Variants in CACNA1A observed in about 807,000 individuals in gnomAD.
The protein encoded by CACNA1A is voltage-dependent P/Q-type calcium channel subunit alpha-1A.
Under a neutral mutation model 262.4 loss-of-function variants are expected in CACNA1A, and 57 were observed. The observed-to-expected ratio is 0.22, with a 90% CI of 0.18 to 0.27. The LOEUF (loss-of-function observed/expected upper bound fraction) is 0.27, where lower values mean the gene tolerates loss of function less well. Ranked by LOEUF, CACNA1A falls within the 10% of genes least tolerant of loss-of-function variation. The pLI is 1.00. For synonymous variants in CACNA1A, 1,431 were observed against 1,419.3 expected (o/e 1.01, Z -0.18); for missense variants, 2,526 against 3,562.8 (o/e 0.71, Z 7.41).
intron 1 of CACNA1A, among the ~76,000 whole-genome samples, chr19:13,497,568 ATATATAT>A (rs1981830852): frequency 2.5e-4 from 9 of 35,762 alleles, no homozygotes; most frequent in Non-Finnish European, 4.0e-4. Context: ...ATATATATAT[ATATATAT>A]ATATAAATTT....
At chr19:13,408,585 T>G (rs1325453423) in intron 3 of CACNA1A, among the ~76,000 whole-genome samples, 1 of 152,156 alleles carries the variant, frequency 6.6e-6, no homozygotes, top group Non-Finnish European at 1.5e-5. Flanking sequence ...CCACTGTGTG[T>G]GGGGTGCTAG....
intron 22 of CACNA1A, among the ~76,000 whole-genome samples, chr19:13,278,534 G>A (rs2057206173): frequency 6.6e-6 from 1 of 152,088 alleles, no homozygotes; most frequent in African/African-American, 2.4e-5. Context: ...TCTTTACGAA[G>A]TCTCTCCTTC....
chr19:13,408,489 C>A (rs7260408), intron 3 of CACNA1A, among the ~76,000 whole-genome samples: 2 of 152,060 alleles, frequency 1.3e-5, no homozygotes, highest in Non-Finnish European at 2.9e-5. Flanking sequence ...TTCAAAGGTA[C>A]CTTTCTAGGC....
chr19:13,210,609 G>C lies in CACNA1A; in HGVS notation c.6339+8C>G. On this transcript the variant is annotated splice_region_variant and intron_variant, in intron 44 of 46. Transcript: ENST00000360228. The stretch of plus-strand genomic sequence containing the variant: ...CCCTGCTGGGCGCTGGGCAGGCGCG[G>C]TACATACACTGAGGTTATTCCCACG... 1.3e-6 allele frequency: 2 copies of C among 1,561,842 alleles called. No individual in the cohort carries two copies. The highest frequency in any genetic ancestry group is 1.7e-6 in the Non-Finnish European group (2 of 1,154,286).
intron 12 of CACNA1A, among the ~76,000 whole-genome samples, chr19:13,310,814 G>C (rs542424948): frequency 4.7e-5 from 7 of 149,100 alleles, no homozygotes; most frequent in Non-Finnish European, 8.9e-5. Context: ...TTTTTGAGAC[G>C]GAGTCTCATT....
intron 1 of CACNA1A, among the ~76,000 whole-genome samples, chr19:13,467,833 G>A (rs192570586): frequency 1.8e-3 from 272 of 152,088 alleles, no homozygotes; most frequent in African/African-American, 6.3e-3. Context: ...TCGAACTCCT[G>A]ACCTCAGGTG....
chr19:13,318,128 T>C (rs972943630), intron 10 of CACNA1A, among the ~76,000 whole-genome samples: 3 of 41,372 alleles, frequency 7.3e-5, no homozygotes, highest in Non-Finnish European at 1.3e-4. Context: ...TAAATAACAA[T>C]TTTTTTTTTA....
intron 1 of CACNA1A, among the ~76,000 whole-genome samples, chr19:13,492,508 C>A (rs1341885095): frequency 6.6e-6 from 1 of 152,138 alleles, no homozygotes; most frequent in Non-Finnish European, 1.5e-5. Flanking sequence ...TGACATACAA[C>A]CTTGCCATAC....
chr19:13,437,723 AAG>A (rs2060637807), intron 3 of CACNA1A, among the ~76,000 whole-genome samples: 1 of 151,302 alleles, frequency 6.6e-6, no homozygotes, highest in Non-Finnish European at 1.5e-5. Context: ...AAGAAACAAA[AAG>A]AGTTGGGGCG....
chr19:13,220,761 G>A (rs896865986), intron 38 of CACNA1A, among the ~76,000 whole-genome samples: 7 of 152,174 alleles, frequency 4.6e-5, no homozygotes, highest in Non-Finnish European at 8.8e-5. Context: ...AAGTAGTTGG[G>A]ACTACAGGTG....
intron 11 of CACNA1A, among the ~76,000 whole-genome samples, 169 bp from the exon 12 acceptor site, chr19:13,312,950 T>C (rs1337948537): frequency 2.0e-5 from 3 of 152,094 alleles, no homozygotes; most frequent in African/African-American, 7.2e-5. Flanking sequence ...TCAAACAGTT[T>C]CCCTGATTTG....
chr19:13,412,768 C>T (rs963228210), intron 3 of CACNA1A, among the ~76,000 whole-genome samples: 18 of 152,028 alleles, frequency 1.2e-4, no homozygotes, highest in Non-Finnish European at 1.8e-4. Flanking sequence ...TTAGCCACTG[C>T]GCCCAGCTAC....
chr19:13,404,157 T>C (rs2059959414), intron 3 of CACNA1A, among the ~76,000 whole-genome samples: 1 of 151,200 alleles, frequency 6.6e-6, no homozygotes, highest in African/African-American at 2.5e-5. Context: ...GGCACACATA[T>C]GCACATATGT....
chr19:13,432,416 A>AAACT (rs753212325), intron 3 of CACNA1A, among the ~76,000 whole-genome samples: 1 of 144,848 alleles, frequency 6.9e-6, no homozygotes, highest in African/African-American at 2.6e-5. Context: ...CTCCATCTCA[A>AAACT]AAATAAATAA....
At chr19:13,302,888 C>T (rs2057816291) in intron 17 of CACNA1A, among the ~76,000 whole-genome samples, 1 of 152,220 alleles carries the variant, frequency 6.6e-6, no homozygotes, top group African/African-American at 2.4e-5. Context: ...TCCTGAATAC[C>T]TCGAGGCACT....
At chr19:13,426,501 T>C (rs78631433) in intron 3 of CACNA1A, among the ~76,000 whole-genome samples, 3,019 of 152,182 alleles carry the variant, frequency 0.02, 95 homozygotes, top group African/African-American at 0.068. Flanking sequence ...GGCCAAGAAT[T>C]ACCTAGCCCA....
chr19:13,331,804 G>A (rs1299111573), intron 9 of CACNA1A, among the ~76,000 whole-genome samples: 1 of 149,748 alleles, frequency 6.7e-6, no homozygotes, highest in Non-Finnish European at 1.5e-5. Flanking sequence ...GGGACCATAG[G>A]TGCGTGTGCC....
chr19:13,368,167 T>C (rs763278884), intron 4 of CACNA1A, among the ~76,000 whole-genome samples: 11 of 151,924 alleles, frequency 7.2e-5, no homozygotes, highest in Non-Finnish European at 1.3e-4. Flanking sequence ...ACAAAAAAAT[T>C]AACTGGGCAT....
chr19:13,331,689 A>C (rs1400897879), intron 9 of CACNA1A, among the ~76,000 whole-genome samples: 1 of 150,832 alleles, frequency 6.6e-6, no homozygotes, highest in Non-Finnish European at 1.5e-5. Context: ...TTTTCTTTTG[A>C]AACAGGGTCT....
Sources: allele counts gnomAD v4.1 joint callset (sites outside exome capture counted in the v4.1 genomes callset), GRCh38; gene constraint gnomAD v4.1.1; transcripts MANE v1.5; gene names NCBI Gene and HGNC (gene_info 2026-07-23, HGNC 2026-07-21).